Variants in USP34 observed in about 807,000 individuals in gnomAD.
The protein encoded by USP34 is ubiquitin carboxyl-terminal hydrolase 34.
In USP34, 70 loss-of-function variants were observed where a neutral mutation model predicts 460.3. That is an observed-to-expected ratio of 0.15 (90% CI 0.13 to 0.19). The LOEUF (loss-of-function observed/expected upper bound fraction) is 0.19, where lower values mean the gene tolerates loss of function less well. Among genes scored for constraint, USP34 ranks in the 10% least tolerant of loss-of-function variants. USP34 has a pLI of 1.00. For missense variants in USP34, 3,985 were observed against 4,236.2 expected (o/e 0.94, Z 1.65); for synonymous variants, 1,647 against 1,405.3 (o/e 1.17, Z -3.85).
intron 5 of USP34, among the ~76,000 whole-genome samples, chr2:61,387,580 AATAT>A (rs1030285063): frequency 8.2e-5 from 12 of 146,114 alleles, no homozygotes; most frequent in South Asian, 2.1e-4. Context: ...ACATATATAA[AATAT>A]ATATATTTAT....
At chr2:61,289,824 TAAAACTTACAG>T (rs1259231172) in intron 33 of USP34, among the ~76,000 whole-genome samples, 1 of 152,038 alleles carries the variant, frequency 6.6e-6, no homozygotes, top group Non-Finnish European at 1.5e-5. Flanking sequence ...GAAAAGACTA[TAAAACTTACAG>T]AAAGCAGAGG....
intron 8 of USP34, 37 bp downstream of exon 8, chr2:61,378,326 A>T: frequency 2.1e-6 from 3 of 1,401,934 alleles, no homozygotes; most frequent in Middle Eastern, 2.0e-4. Flanking sequence ...GTACATTAAA[A>T]TGGTATACTT....
chr2:61,235,312 G>A (rs1688034696), intron 57 of USP34, among the ~76,000 whole-genome samples: 1 of 137,998 alleles, frequency 7.2e-6, no homozygotes, highest in African/African-American at 2.7e-5. Context: ...ATGAAGGGGG[G>A]AAAAAATTTT....
chr2:61,265,343 A>G, intron 43 of USP34, 54 bp downstream of exon 43: 1 of 1,545,002 alleles, frequency 6.5e-7, no homozygotes. Flanking sequence ...ATTTATCAAC[A>G]AAATATTAAA....
chr2:61,341,882 C>A (rs531691320), intron 16 of USP34, among the ~76,000 whole-genome samples: 1 of 150,746 alleles, frequency 6.6e-6, no homozygotes, highest in Non-Finnish European at 1.5e-5. Context: ...CCTGCCTCAG[C>A]GTCCCGAGTA....
At position 61,236,023 on chromosome 2, in the gene USP34, T is replaced by C. The variant is rs746103583; in HGVS notation, c.6966+3A>G. The C allele has an allele frequency of 5.0e-6, 8 of 1,605,812 alleles. No homozygotes were observed. The highest frequency in any genetic ancestry group is 2.2e-5 in the East Asian group (1 of 44,782). The stretch of plus-strand genomic sequence containing the variant: ...AAAAAAATCCATAGTAGAAAACACA[T>C]ACCTTTTCTTTAGAATGAATAAATG... On this transcript the variant is annotated splice_donor_region_variant and intron_variant, in intron 56 of 79. Transcript: ENST00000398571.
At chr2:61,317,927 T>C (rs1043415706) in intron 22 of USP34, among the ~76,000 whole-genome samples, 160 bp from the exon 23 acceptor site, 4 of 152,088 alleles carry the variant, frequency 2.6e-5, no homozygotes, top group African/African-American at 4.8e-5. Context: ...ATAATTTTGC[T>C]GGGCACGGTG....
intron 1 of USP34, among the ~76,000 whole-genome samples, chr2:61,467,899 G>A (rs915487861): frequency 7.9e-5 from 12 of 151,994 alleles, no homozygotes; most frequent in African/African-American, 2.9e-4. Flanking sequence ...GGGAATACAG[G>A]CGTGAGCTGT....
intron 27 of USP34, among the ~76,000 whole-genome samples, chr2:61,303,063 A>G (rs1690277901): frequency 1.3e-5 from 2 of 151,840 alleles, no homozygotes; most frequent in South Asian, 4.1e-4. Flanking sequence ...AAGACCTCAT[A>G]TTATTGTAAG....
intron 10 of USP34, among the ~76,000 whole-genome samples, chr2:61,360,779 C>A (rs1403080816): frequency 2.0e-5 from 3 of 152,154 alleles, no homozygotes; most frequent in Non-Finnish European, 4.4e-5. Context: ...CCTCAGCCTC[C>A]CAAGTAGCTG....
intron 75 of USP34, 76 bp downstream of exon 75, chr2:61,203,064 A>C: frequency 7.4e-7 from 1 of 1,344,052 alleles, no homozygotes; most frequent in Non-Finnish European, 9.8e-7. Context: ...ATTGTCTCAT[A>C]ATTTTTCTCC....
chr2:61,425,675 T>G (rs1694490292), intron 1 of USP34, among the ~76,000 whole-genome samples: 1 of 152,106 alleles, frequency 6.6e-6, no homozygotes, highest in Admixed American at 6.6e-5. Flanking sequence ...TTTGGCAGTC[T>G]GAGCCGTAAG....
chr2:61,409,944 A>G (rs1407117657), intron 2 of USP34, among the ~76,000 whole-genome samples: 1 of 152,312 alleles, frequency 6.6e-6, no homozygotes, highest in East Asian at 1.9e-4. Context: ...ATAATTGTAT[A>G]TTACATAAAT....
chr2:61,351,690 G>T (rs527359149), intron 10 of USP34, among the ~76,000 whole-genome samples: 2 of 152,146 alleles, frequency 1.3e-5, no homozygotes, highest in Admixed American at 1.3e-4. Context: ...CTCTTTCAGG[G>T]TAAATATGCA....
At position 61,266,077 on chromosome 2, in the gene USP34, C is replaced by G. The variant is rs778387105; in HGVS notation, c.5524G>C (p.Ala1842Pro). ...TCTACTAACAAATCGTAAGCGGCAG[C>G]TCTTGAAGAATGTGATTTGCACTTT... ...QPKCKSHSSR[A>P]AAYDLLVEMV... The change falls in exon 42 of 80, where the codon GCT (alanine) becomes CCT (proline). Residue 1842 changes from alanine to proline, a missense_variant. Physicochemically the swap from Ala to Pro is conservative, Grantham distance 27. Transcript: ENST00000398571. The G allele has an allele frequency of 6.2e-7, 1 of 1,613,954 alleles. No homozygotes were observed. The highest frequency in any genetic ancestry group is 2.2e-5 in the East Asian group (1 of 44,868).
At chr2:61,317,198 A>T (rs1298577602) in intron 23 of USP34, among the ~76,000 whole-genome samples, 3 of 152,206 alleles carry the variant, frequency 2.0e-5, no homozygotes, top group African/African-American at 7.2e-5. Context: ...TTCATACTGA[A>T]AAATAAATTT....
intron 43 of USP34, among the ~76,000 whole-genome samples, chr2:61,260,330 C>T (rs1194930732): frequency 1.3e-5 from 2 of 152,090 alleles, no homozygotes; most frequent in Non-Finnish European, 2.9e-5. Context: ...TATTGAACAC[C>T]AAGCCTTATA....
chr2:61,397,592 C>T (rs1192683986), intron 3 of USP34, among the ~76,000 whole-genome samples: 3 of 152,222 alleles, frequency 2.0e-5, no homozygotes, highest in African/African-American at 7.2e-5. Flanking sequence ...ATGGTGAAAC[C>T]GCGTCTCTAC....
chr2:61,210,344 C>T lies in USP34; in HGVS notation c.8841-1367G>A, dbSNP rs191449636. On this transcript the variant is annotated intron_variant, in intron 69 of 79. Coordinates refer to ENST00000398571, the MANE Select transcript of USP34 (RefSeq NM_014709.4). ...ACTGTACCTTTTCTATGTTTAAATACGTTTAGATACACAAATACTTACCTT... is the reference window on the plus strand; with the variant it reads ...ACTGTACCTTTTCTATGTTTAAATATGTTTAGATACACAAATACTTACCTT... Among the ~76,000 whole-genome samples the T allele has an allele frequency of 2.6e-3, 394 of 152,278 alleles. 3 individuals are homozygous for T. The highest frequency in any genetic ancestry group is 4.5e-3 in the Non-Finnish European group (305 of 68,014).
Sources: gnomAD v4.1 joint callset for allele counts (sites outside exome capture counted in the v4.1 genomes callset) on GRCh38, gnomAD v4.1.1 for gene constraint, MANE v1.5 for transcripts, NCBI Gene and HGNC (gene_info 2026-07-23, HGNC 2026-07-21) for gene names.